The following FOXP2 variants were observed in gnomAD, a reference collection of about 807,000 sequenced individuals.
The protein encoded by FOXP2 is forkhead box protein P2.
Under a neutral mutation model 115.8 loss-of-function variants are expected in FOXP2, and 12 were observed. The ratio of observed to expected loss-of-function variants is 0.10; its 90% CI spans 0.07 to 0.17. The LOEUF (loss-of-function observed/expected upper bound fraction) is 0.17, where lower values mean the gene tolerates loss of function less well. Among genes scored for constraint, FOXP2 ranks in the 10% least tolerant of loss-of-function variants. FOXP2 has a pLI of 1.00. For missense variants in FOXP2, 629 were observed against 843.5 expected (o/e 0.75, Z 3.15); for synonymous variants, 328 against 297.7 (o/e 1.10, Z -1.05).
At chr7:114,379,516 G>C (rs552110487) in intron 2 of FOXP2, among the ~76,000 whole-genome samples, 2 of 152,236 alleles carry the variant, frequency 1.3e-5, no homozygotes, top group Non-Finnish European at 2.9e-5. Context: ...GGGTTGTGCA[G>C]TTGAGATTTT....
chr7:114,594,403 T>C (rs1802594100), intron 3 of FOXP2, among the ~76,000 whole-genome samples: 1 of 152,052 alleles, frequency 6.6e-6, no homozygotes, highest in East Asian at 1.9e-4. Flanking sequence ...TTATACATTT[T>C]CACAGCTGCC....
At chr7:114,352,070 C>G (rs1292633589) in intron 2 of FOXP2, among the ~76,000 whole-genome samples, 1 of 151,664 alleles carries the variant, frequency 6.6e-6, no homozygotes, top group African/African-American at 2.4e-5. Context: ...GAGTTCAAGA[C>G]CAGCTGGGGC....
intron 1 of FOXP2, among the ~76,000 whole-genome samples, chr7:114,173,122 A>G (rs1351156631): frequency 1.3e-5 from 2 of 151,900 alleles, no homozygotes; most frequent in Non-Finnish European, 2.9e-5. Flanking sequence ...TGAATTGTTC[A>G]TGGTTTCTTT....
intron 1 of FOXP2, among the ~76,000 whole-genome samples, chr7:114,150,111 A>G (rs1010830643): frequency 2.0e-5 from 3 of 152,086 alleles, no homozygotes; most frequent in African/African-American, 7.2e-5. Context: ...TATTTAGTCA[A>G]TTTGGCTTAT....
chr7:114,467,629 T>C (rs947957272), intron 2 of FOXP2, among the ~76,000 whole-genome samples: 2 of 152,178 alleles, frequency 1.3e-5, no homozygotes, highest in Non-Finnish European at 2.9e-5. Context: ...CTCTGTCTGT[T>C]ACAAACTGGC....
intron 1 of FOXP2, among the ~76,000 whole-genome samples, chr7:114,246,900 T>A (rs1022190786): frequency 6.6e-6 from 1 of 152,182 alleles, no homozygotes; most frequent in East Asian, 1.9e-4. Flanking sequence ...CGCCAAGTCT[T>A]ATTTTTTAAA....
chr7:114,088,546 T>A (rs897055830), intron 1 of FOXP2, among the ~76,000 whole-genome samples: 1 of 152,250 alleles, frequency 6.6e-6, no homozygotes, highest in Non-Finnish European at 1.5e-5. Flanking sequence ...GTAAGGCATA[T>A]CTTTGCAGGC....
intron 1 of FOXP2, among the ~76,000 whole-genome samples, chr7:114,219,742 G>C (rs1049814322): frequency 4.0e-5 from 6 of 151,382 alleles, no homozygotes; most frequent in Non-Finnish European, 8.8e-5. Flanking sequence ...AATAATTTTC[G>C]CCTTTAATCC....
At chr7:114,478,475 T>C (rs1183325256) in intron 2 of FOXP2, among the ~76,000 whole-genome samples, 1 of 151,854 alleles carries the variant, frequency 6.6e-6, no homozygotes, top group African/African-American at 2.4e-5. Context: ...CCAAAGGACT[T>C]GGTCTGGTTT....
At position 114,663,399 on chromosome 7, in the gene FOXP2, C is replaced by T. The variant is rs568523088; in HGVS notation, c.1770-51C>T. On this transcript the variant is annotated intron_variant, in intron 14 of 16. Coordinates refer to ENST00000350908, the MANE Select transcript of FOXP2 (RefSeq NM_014491.4). ...CTTTATAGCTGAGACTATTGATATC[C>T]ACGTTTTATATTTTGACGTATAAAT... is the stretch of plus-strand genomic sequence containing the variant. 1.0e-5 allele frequency: 13 copies of T among 1,296,340 alleles called. No homozygotes were observed. In the Admixed American group the frequency reaches 1.9e-4, roughly 19 times the overall value. 80.3% of individuals were successfully genotyped at this position (1,296,340 alleles called of 1,614,324 possible). A position where few individuals can be genotyped will look rare whatever the true frequency, so the allele number is the denominator to read the frequency against.
At chr7:114,602,250 A>C (rs12333770) in intron 3 of FOXP2, among the ~76,000 whole-genome samples, 4,559 of 152,068 alleles carry the variant, frequency 0.03, 214 homozygotes, top group African/African-American at 0.1. Flanking sequence ...AATTCTAATA[A>C]TTTTTATCTT....
intron 2 of FOXP2, among the ~76,000 whole-genome samples, chr7:114,385,931 G>A (rs1205163222): frequency 3.9e-5 from 6 of 152,218 alleles, no homozygotes; most frequent in Admixed American, 2.0e-4. Context: ...CTTGGGCCAT[G>A]CAGTGAGTGT....
At chr7:114,458,612 A>G (rs1371351973) in intron 2 of FOXP2, among the ~76,000 whole-genome samples, 1 of 148,586 alleles carries the variant, frequency 6.7e-6, no homozygotes, top group Non-Finnish European at 1.5e-5. Flanking sequence ...CAGTGGTGCA[A>G]TGATGGCTCA....
At chr7:114,120,145 T>C (rs901477677) in intron 1 of FOXP2, among the ~76,000 whole-genome samples, 6 of 152,052 alleles carry the variant, frequency 3.9e-5, no homozygotes, top group African/African-American at 1.4e-4. Flanking sequence ...AGTGGCTAAT[T>C]ACAGTAATTC....
chr7:114,319,545 C>A (rs1797361029), intron 2 of FOXP2, among the ~76,000 whole-genome samples: 1 of 152,134 alleles, frequency 6.6e-6, no homozygotes, highest in Non-Finnish European at 1.5e-5. Flanking sequence ...TGGCAGCAGG[C>A]AAAGAGAGAG....
upstream of FOXP2, among the ~76,000 whole-genome samples, chr7:114,412,452 G>A (rs934262430): frequency 1.3e-5 from 2 of 152,108 alleles, no homozygotes; most frequent in Non-Finnish European, 2.9e-5. Context: ...CAAATGACTT[G>A]ACAAAATGGT....
chr7:114,664,508 C>A, intron 16 of FOXP2, 72 bp downstream of exon 16: 3 of 1,570,626 alleles, frequency 1.9e-6, no homozygotes, highest in East Asian at 2.3e-5. Context: ...AGAATTTTTC[C>A]GAAGTTTTTA....
intron 1 of FOXP2, among the ~76,000 whole-genome samples, chr7:114,179,513 T>C (rs1584527493): frequency 6.6e-6 from 1 of 151,976 alleles, no homozygotes; most frequent in South Asian, 2.1e-4. Flanking sequence ...AGTGCTGGCA[T>C]GCGGTCTGCC....
At chr7:114,112,896 C>G (rs1289310112) in intron 1 of FOXP2, among the ~76,000 whole-genome samples, 2 of 152,012 alleles carry the variant, frequency 1.3e-5, no homozygotes, top group East Asian at 3.9e-4. Context: ...TTACTCATGT[C>G]TATATTGAGT....
Sources: gnomAD v4.1 joint callset for allele counts (sites outside exome capture counted in the v4.1 genomes callset) on GRCh38, gnomAD v4.1.1 for gene constraint, MANE v1.5 for transcripts, NCBI Gene and HGNC (gene_info 2026-07-23, HGNC 2026-07-21) for gene names.